Variants in ART3 observed in about 807,000 individuals in gnomAD.
ART3 encodes the protein ADP-ribosyltransferase 3 (inactive).
A neutral mutation model predicts 48.5 loss-of-function variants in ART3; 49 were observed. The observed-to-expected ratio is 1.01, with a 90% CI of 0.80 to 1.28. The LOEUF (loss-of-function observed/expected upper bound fraction) is 1.28, where lower values mean the gene tolerates loss of function less well. ART3 is among the 50% of genes most tolerant of loss of function. The probability of loss-of-function intolerance (pLI) is 0.00; values close to 1 mark genes in which losing one functional copy is unlikely to be tolerated. For synonymous variants in ART3, 145 were observed against 157.2 expected (o/e 0.92, Z 0.58); for missense variants, 438 against 454.3 (o/e 0.96, Z 0.33).
chr4:76,105,643 G>A, intron 10 of ART3: 1 of 1,225,868 alleles, frequency 8.2e-7, no homozygotes, highest in Non-Finnish European at 1.0e-6. Context: ...ATGGGGTCTG[G>A]GGAAGACATC....
chr4:76,043,436 C>A (rs1429537112), intron 1 of ART3, among the ~76,000 whole-genome samples: 1 of 152,098 alleles, frequency 6.6e-6, no homozygotes, highest in Non-Finnish European at 1.5e-5. Flanking sequence ...CCGAGCCCTG[C>A]CCTGTAGGAA....
At chr4:76,090,482 G>C (rs1393235294) in intron 3 of ART3, among the ~76,000 whole-genome samples, 1 of 152,348 alleles carries the variant, frequency 6.6e-6, no homozygotes, top group East Asian at 1.9e-4. Context: ...TGTGAGTATA[G>C]TCATTGACAT....
At chr4:76,079,682 G>A (rs1721998677) in intron 2 of ART3, among the ~76,000 whole-genome samples, 1 of 152,126 alleles carries the variant, frequency 6.6e-6, no homozygotes, top group Non-Finnish European at 1.5e-5. Context: ...AGAGCTGTTT[G>A]GGTGGAGAAA....
At chr4:76,103,058 A>T (rs547983657) in intron 8 of ART3, among the ~76,000 whole-genome samples, 69 of 152,268 alleles carry the variant, frequency 4.5e-4, no homozygotes, top group African/African-American at 1.6e-3. Context: ...GAAGTCAAGT[A>T]TAAGGTCAAA....
At chr4:76,035,912 A>T in intron 1 of ART3, 1 of 1,610,234 alleles carries the variant, frequency 6.2e-7, no homozygotes, top group Non-Finnish European at 8.5e-7. Flanking sequence ...TTGAGAAATA[A>T]AAATTACTGC....
intron 1 of ART3, among the ~76,000 whole-genome samples, chr4:76,030,160 G>A (rs1275121243): frequency 8.5e-5 from 13 of 152,126 alleles, no homozygotes; most frequent in Non-Finnish European, 1.6e-4. Context: ...GGGTTCAAGC[G>A]ATTCTCCTGC....
At chr4:76,060,254 A>T (rs924845415) in intron 1 of ART3, among the ~76,000 whole-genome samples, 1 of 152,188 alleles carries the variant, frequency 6.6e-6, no homozygotes, top group Non-Finnish European at 1.5e-5. Context: ...TTGTGGAATC[A>T]TAAGTTACTG....
At chr4:76,074,107 C>A (rs1036478891), upstream of ART3, among the ~76,000 whole-genome samples, 2 of 152,130 alleles carry the variant, frequency 1.3e-5, no homozygotes, top group African/African-American at 4.8e-5. Flanking sequence ...AGTATATTTA[C>A]CATGTATGCG....
intron 2 of ART3, among the ~76,000 whole-genome samples, chr4:76,080,070 A>C (rs922430808): frequency 6.6e-6 from 1 of 152,190 alleles, no homozygotes; most frequent in Non-Finnish European, 1.5e-5. Flanking sequence ...GACTTATGCA[A>C]CTATGCACCA....
intron 1 of ART3, among the ~76,000 whole-genome samples, chr4:76,023,064 CTTAG>C (rs1690797280): frequency 6.6e-6 from 1 of 152,144 alleles, no homozygotes; most frequent in Admixed American, 6.5e-5. Flanking sequence ...GTTCATTGAG[CTTAG>C]TTAGGTAAGG....
At chr4:76,089,779 A>G (rs1213936218) in intron 3 of ART3, among the ~76,000 whole-genome samples, 6 of 152,066 alleles carry the variant, frequency 3.9e-5, no homozygotes, top group Non-Finnish European at 5.9e-5. Flanking sequence ...GTTTTTCTTG[A>G]AATTTAAAAT....
chr4:76,053,402 G>A (rs1560600385), intron 1 of ART3, among the ~76,000 whole-genome samples: 1 of 125,786 alleles, frequency 8.0e-6, no homozygotes, highest in South Asian at 2.6e-4. Flanking sequence ...TACCTTTTTG[G>A]TAGAAGAGTT....
intron 1 of ART3, among the ~76,000 whole-genome samples, chr4:76,030,724 A>G (rs958481625): frequency 6.6e-6 from 1 of 152,228 alleles, no homozygotes; most frequent in African/African-American, 2.4e-5. Context: ...ATAAAATGGA[A>G]TCATACAATA....
chr4:76,097,338 G>T (rs1726232646), intron 3 of ART3, among the ~76,000 whole-genome samples: 1 of 151,938 alleles, frequency 6.6e-6, no homozygotes, highest in Non-Finnish European at 1.5e-5. Context: ...CTGAGTAGCT[G>T]GGACTACAGG....
In ART3 at chr4:76,082,048, G is replaced by A; in HGVS notation, c.294G>A (p.Leu98=). Residue 98 remains leucine, a synonymous_variant, in exon 3 of 12, where the codon CTG becomes CTA. Transcript: ENST00000355810. ...MNFKDNHGIA[L]MAYISEAQEQ... ...TTAAGGATAACCATGGAATAGCCCTGATGGCATATATTTCCGAAGCTCAAG... is the reference window on the plus strand; with the variant it reads ...TTAAGGATAACCATGGAATAGCCCTAATGGCATATATTTCCGAAGCTCAAG... 6.2e-7 allele frequency: 1 copy of A among 1,614,220 alleles called. No homozygotes were observed.
At chr4:76,110,834 A>AAT (rs772551152) in intron 11 of ART3, among the ~76,000 whole-genome samples, 49 of 151,208 alleles carry the variant, frequency 3.2e-4, no homozygotes, top group African/African-American at 6.3e-4. Flanking sequence ...ATGACCTAGA[A>AAT]ATATATATAT....
At chr4:76,079,561 G>A (rs1036965404) in intron 2 of ART3, among the ~76,000 whole-genome samples, 11 of 152,250 alleles carry the variant, frequency 7.2e-5, no homozygotes, top group East Asian at 1.9e-4. Flanking sequence ...CCTGGGGAGC[G>A]TAGAGTTGAG....
At chr4:76,035,858 G>C in intron 1 of ART3, 1 of 1,357,922 alleles carries the variant, frequency 7.4e-7, no homozygotes, top group Non-Finnish European at 1.0e-6. Flanking sequence ...TAGGATAAAA[G>C]TGGAAGAAAA....
intron 1 of ART3, among the ~76,000 whole-genome samples, chr4:76,017,383 C>G (rs1274824742): frequency 6.6e-6 from 1 of 151,994 alleles, no homozygotes; most frequent in Non-Finnish European, 1.5e-5. Context: ...GATCTAGGGC[C>G]TGGAATAGGG....
Sources: allele counts gnomAD v4.1 joint callset (sites outside exome capture counted in the v4.1 genomes callset), GRCh38; gene constraint gnomAD v4.1.1; transcripts MANE v1.5; gene names NCBI Gene and HGNC (gene_info 2026-07-23, HGNC 2026-07-21).